The following SRPK1 variants were observed in gnomAD, a reference collection of about 807,000 sequenced individuals.
SRPK1 encodes the protein SRSF protein kinase 1.
Under a neutral mutation model 89.5 loss-of-function variants are expected in SRPK1, and 52 were observed. The ratio of observed to expected loss-of-function variants is 0.58; its 90% CI spans 0.46 to 0.73. The LOEUF is 0.73. SRPK1 is among the 30% of genes least tolerant of loss of function. The probability of loss-of-function intolerance (pLI) is 0.00; values close to 1 mark genes in which losing one functional copy is unlikely to be tolerated. For missense variants in SRPK1, 603 were observed against 780.6 expected (o/e 0.77, Z 2.71); for synonymous variants, 255 against 270.2 (o/e 0.94, Z 0.55).
intron 6 of SRPK1, among the ~76,000 whole-genome samples, chr6:35,876,611 C>T (rs1770162060): frequency 6.6e-6 from 1 of 152,182 alleles, no homozygotes; most frequent in South Asian, 2.1e-4. Flanking sequence ...CACGGCACTC[C>T]AGCCTGAGTG....
At chr6:35,842,959 G>C (rs1769344147) in intron 13 of SRPK1, among the ~76,000 whole-genome samples, 3 of 151,106 alleles carry the variant, frequency 2.0e-5, no homozygotes, top group African/African-American at 4.9e-5. Flanking sequence ...TTATTCATGA[G>C]AAGAACAGGT....
Position 35,900,571 on chromosome 6 carries a change from A to T in SRPK1, c.75-9558T>A, listed in dbSNP as rs564115664. ...GGTTCTTGAGTTTTAGCTGGTGAACAGCAGAAGTTGGGACAGCAAAGTCCT... is the reference window on the plus strand; with the variant it reads ...GGTTCTTGAGTTTTAGCTGGTGAACTGCAGAAGTTGGGACAGCAAAGTCCT... On this transcript the variant is annotated intron_variant, in intron 2 of 15. Coordinates refer to ENST00000373825, the MANE Select transcript of SRPK1 (RefSeq NM_003137.5). Among the ~76,000 whole-genome samples, 118 of 152,364 alleles carry T rather than the reference A, an allele frequency of 7.7e-4. 1 individual carries two copies. The highest frequency in any genetic ancestry group is 2.4e-3 in the African/African-American group (101 of 41,574).
In SRPK1 at chr6:35,888,017, TACTC is replaced by T; in HGVS notation, c.390+3_390+6del. ...CTTCACATTCATACATATAATCTAATACTCACTGACTTCAGCAACCGGATTTCAT... is the reference window on the plus strand; with the variant it reads ...CTTCACATTCATACATATAATCTAATACTGACTTCAGCAACCGGATTTCAT... On this transcript the variant is annotated splice_donor_5th_base_variant and intron_variant, in intron 5 of 15. Transcript: ENST00000373825. 1 of 1,590,092 alleles carries T rather than the reference TACTC, an allele frequency of 6.3e-7. No individual in the cohort carries two copies.
Position 35,917,063 on chromosome 6 carries a change from A to AAACAG in SRPK1, c.74+3404_74+3405insCTGTT, listed in dbSNP as rs149841711. On this transcript the variant is annotated intron_variant, in intron 2 of 15. Transcript: ENST00000373825. ...TGACAGAGTGAGACTCTGTCTCAAA[A>AAACAG]AACAAAACAAAACAAAACAAAAACA... Among the ~76,000 whole-genome samples the AAACAG allele has an allele frequency of 1.4e-3, 219 of 152,072 alleles. 2 individuals carry two copies. The highest frequency in any genetic ancestry group is 4.9e-3 in the African/African-American group (203 of 41,462).
Position 35,888,821 on chromosome 6 carries a change from T to G in SRPK1, c.296A>C (p.Asp99Ala). 6.2e-7 allele frequency: 1 copy of G among 1,600,818 alleles called. No individual in the cohort carries two copies. The highest frequency in any genetic ancestry group is 8.6e-7 in the Non-Finnish European group (1 of 1,168,258). ...CAGAACCACTAAAACTTACTGAATA[T>G]CCCATGATAACCATACTGTTGAAAA... ...GHFSTVWLSW[D>A]IQGKKFVAMK... is the part of the protein sequence containing the mutation. Residue 99 changes from aspartate to alanine, a missense_variant, in exon 4 of 16, where the codon GAT becomes GCT. Physicochemically the swap from Asp to Ala is moderately radical, Grantham distance 126. Transcript: ENST00000373825.
intron 7 of SRPK1, among the ~76,000 whole-genome samples, 182 bp downstream of exon 7, chr6:35,874,051 T>A (rs1484649220): frequency 6.9e-6 from 1 of 145,210 alleles, no homozygotes; most frequent in East Asian, 2.1e-4. Context: ...ATGGTCTTGA[T>A]CTCCTGACCT....
At chr6:35,893,795 G>A (rs142292036) in intron 2 of SRPK1, among the ~76,000 whole-genome samples, 1,697 of 152,136 alleles carry the variant, frequency 0.011, 17 homozygotes, top group Non-Finnish European at 0.018. Flanking sequence ...TTGGGAGGCC[G>A]AGGCCAGGAG....
chr6:35,888,793 T>C, intron 4 of SRPK1, 22 bp downstream of exon 4: 1 of 1,481,208 alleles, frequency 6.8e-7, no homozygotes, highest in Non-Finnish European at 9.4e-7. Flanking sequence ...ACTAATTCTT[T>C]TACAGAACCA....
intron 15 of SRPK1, among the ~76,000 whole-genome samples, chr6:35,837,420 A>G (rs925590748): frequency 2.6e-5 from 4 of 152,210 alleles, no homozygotes; most frequent in African/African-American, 9.6e-5. Flanking sequence ...TGCAGGCACT[A>G]TACATATTAA....
At chr6:35,842,648 A>G in intron 13 of SRPK1, 44 bp from the exon 14 acceptor site, 1 of 1,510,674 alleles carries the variant, frequency 6.6e-7, no homozygotes, top group Non-Finnish European at 8.9e-7. Flanking sequence ...AAAAGAAAAG[A>G]AGGCCTTTGG....
intron 2 of SRPK1, among the ~76,000 whole-genome samples, chr6:35,913,951 C>A (rs893173381): frequency 3.3e-4 from 48 of 145,472 alleles, no homozygotes; most frequent in African/African-American, 1.2e-3. Context: ...GTCTGCCGCA[C>A]AACAAAGGAT....
intron 13 of SRPK1, among the ~76,000 whole-genome samples, chr6:35,852,226 C>T (rs1769570977): frequency 6.6e-6 from 1 of 152,186 alleles, no homozygotes; most frequent in Admixed American, 6.5e-5. Flanking sequence ...CATTTAATCA[C>T]TCCCATCTCT....
chr6:35,883,765 GCT>G, intron 6 of SRPK1, among the ~76,000 whole-genome samples: 1 of 150,302 alleles, frequency 6.7e-6, no homozygotes, highest in East Asian at 2.0e-4. Flanking sequence ...GCGGAGTCTT[GCT>G]CTGTCGCCCA....
chr6:35,870,325 G>A lies in SRPK1; in HGVS notation c.947C>T (p.Pro316Leu). 6.2e-7 allele frequency: 1 copy of A among 1,613,450 alleles called. No homozygotes were observed. The highest frequency in any genetic ancestry group is 8.5e-7 in the Non-Finnish European group (1 of 1,179,702). Reference protein sequence around the residue: ...QEESESPVERPLKENPPNKMT... With the variant: ...QEESESPVERLLKENPPNKMT... ...TTTATTAGGTGGGTTCTCTTTCAAG[G>A]GTCTTTCAACAGGACTCTCTGATTC... The change falls in exon 10 of 16, where the codon CCC (proline) becomes CTC (leucine). Residue 316 changes from proline (P) to leucine (L), a missense_variant. By Grantham distance (98) the Pro-to-Leu change is moderately conservative. Coordinates refer to ENST00000373825, the MANE Select transcript of SRPK1 (RefSeq NM_003137.5).
intron 2 of SRPK1, among the ~76,000 whole-genome samples, chr6:35,906,915 A>T (rs1042337982): frequency 6.6e-6 from 1 of 152,250 alleles, no homozygotes; most frequent in Non-Finnish European, 1.5e-5. Flanking sequence ...GTCATTTTGG[A>T]GCATGCTAGG....
intron 2 of SRPK1, among the ~76,000 whole-genome samples, chr6:35,911,818 T>C (rs1770975110): frequency 6.6e-6 from 1 of 152,108 alleles, no homozygotes; most frequent in Non-Finnish European, 1.5e-5. Context: ...GAATATAACA[T>C]AATCTTAATT....
chr6:35,863,683 C>A (rs936448593), intron 12 of SRPK1, among the ~76,000 whole-genome samples: 1 of 150,190 alleles, frequency 6.7e-6, no homozygotes, highest in Non-Finnish European at 1.5e-5. Context: ...TGAGGGATTT[C>A]AAAAAAAAGC....
At chr6:35,915,997 T>TATATAC (rs1284737691) in intron 2 of SRPK1, among the ~76,000 whole-genome samples, 74 of 90,196 alleles carry the variant, frequency 8.2e-4, no homozygotes, top group Non-Finnish European at 8.5e-4. Flanking sequence ...AAAAAATATA[T>TATATAC]ACACACACAC....
chr6:35,919,057 C>A (rs1771172127), intron 2 of SRPK1, among the ~76,000 whole-genome samples: 1 of 152,178 alleles, frequency 6.6e-6, no homozygotes, highest in African/African-American at 2.4e-5. Flanking sequence ...CTAAACTAGG[C>A]ACAGAAAAGT....
Sources: gnomAD v4.1 joint callset for allele counts (sites outside exome capture counted in the v4.1 genomes callset) on GRCh38, gnomAD v4.1.1 for gene constraint, MANE v1.5 for transcripts, NCBI Gene and HGNC (gene_info 2026-07-23, HGNC 2026-07-21) for gene names.